Variants in NFIX observed in about 807,000 individuals in gnomAD.
NFIX encodes the protein nuclear factor 1 X-type.
In NFIX, 2 loss-of-function variants were observed where a neutral mutation model predicts 53.3. The ratio of observed to expected loss-of-function variants is 0.04; its 90% CI spans 0.02 to 0.12. NFIX has a LOEUF of 0.12. Among genes scored for constraint, NFIX ranks in the 10% least tolerant of loss-of-function variants. The probability of loss-of-function intolerance (pLI) is 1.00; values close to 1 mark genes in which losing one functional copy is unlikely to be tolerated. For missense variants in NFIX, 310 were observed against 674.5 expected (o/e 0.46, Z 5.99); for synonymous variants, 244 against 289.0 (o/e 0.84, Z 1.58).
At chr19:13,023,545 T>G (rs1009457527) in intron 1 of NFIX, among the ~76,000 whole-genome samples, 1 of 152,058 alleles carries the variant, frequency 6.6e-6, no homozygotes, top group Non-Finnish European at 1.5e-5. Flanking sequence ...TGTTTTTGTT[T>G]TGCACGGGGG....
rs1410940036 is a variant in NFIX, at chr19:13,052,731, G to A, written c.560-20316G>A. Among the ~76,000 whole-genome samples the A allele has an allele frequency of 6.7e-6, 1 of 149,796 alleles. No individual in the cohort carries two copies. The highest frequency in any genetic ancestry group is 1.5e-5 in the Non-Finnish European group (1 of 67,884). On this transcript the variant is annotated intron_variant, in intron 2 of 10. Transcript: ENST00000592199. The surrounding 1 kb of genome is among the most constrained non-coding windows in gnomAD (Gnocchi z 5.2). The stretch of plus-strand genomic sequence containing the variant: ...TCGACCCAGTTGAGGCTGTGCTTCT[G>A]TGCTTCTTGGAACGGCTCGGCTCCA...
At position 13,001,288 on chromosome 19, in the gene NFIX, C is replaced by T. The variant is rs570143910; in HGVS notation, c.27+5424C>T. ...GTCTGTGTGGCAGCGTGTGTCTGCC[C>T]GGGTCCCTCTCCATGCCTCTCCATG... On this transcript the variant is annotated intron_variant, in intron 1 of 10. Transcript: ENST00000592199. This position sits in a 1 kb window ranked among gnomAD's most constrained non-coding sequence, Gnocchi z 6.5. 2.1e-4 allele frequency among the ~76,000 whole-genome samples: 32 copies of T among 152,240 alleles called. No individual in the cohort carries two copies. The highest frequency in any genetic ancestry group is 5.3e-4 in the African/African-American group (22 of 41,524).
At chr19:13,055,805 G>A (rs1457988351) in intron 2 of NFIX, among the ~76,000 whole-genome samples, 1 of 152,182 alleles carries the variant, frequency 6.6e-6, no homozygotes, top group Non-Finnish European at 1.5e-5. Context: ...TCTCTCTGTA[G>A]GGCAGGCCAG....
chr19:13,073,901 C>G lies in NFIX; in HGVS notation c.698-5C>G. 6.2e-7 allele frequency: 1 copy of G among 1,613,966 alleles called. No individual in the cohort carries two copies. Among genetic ancestry groups the G allele is most frequent in the Non-Finnish European group, 8.5e-7 (1 of 1,179,870 alleles). On this transcript the variant is annotated splice_polypyrimidine_tract_variant and splice_region_variant and intron_variant, in intron 4 of 10. Transcript: ENST00000592199. This position sits in a 1 kb window ranked among gnomAD's most constrained non-coding sequence, Gnocchi z 4.5. ...CAAACCTCATCACCCTCTCGTTCTT[C>G]CCAGCTCCTGTTGCAACAGCATCAG...
At position 13,039,767 on chromosome 19, in the gene NFIX, G is replaced by C. The variant is rs147073228; in HGVS notation, c.559+14215G>C. Among the ~76,000 whole-genome samples, 405 of 152,222 alleles carry C rather than the reference G, an allele frequency of 2.7e-3. 6 individuals carry two copies. Among genetic ancestry groups the C allele is most frequent in the African/African-American group, 9.5e-3 (394 of 41,526 alleles). ...CTCTTAGGCTGGAATCTTGGAGCTG[G>C]GACTGTGTTTTATCCGCCTTTGCAT... On this transcript the variant is annotated intron_variant, in intron 2 of 10. Coordinates refer to ENST00000592199, the MANE Select transcript of NFIX (RefSeq NM_001365902.3).
chr19:13,057,727 G>C (rs78677235), intron 2 of NFIX, among the ~76,000 whole-genome samples: 1 of 152,308 alleles, frequency 6.6e-6, no homozygotes, highest in East Asian at 1.9e-4. Flanking sequence ...TGTACACTGA[G>C]GTCTGGTTGT....
intron 2 of NFIX, among the ~76,000 whole-genome samples, chr19:13,026,323 G>T (rs1170457963): frequency 6.6e-6 from 1 of 151,722 alleles, no homozygotes; most frequent in African/African-American, 2.4e-5. Flanking sequence ...CGGGGCACAG[G>T]CATGGCAGGG....
rs1305293465 is a variant in NFIX, at chr19:13,094,320, A to G, written c.1495-315A>G. On this transcript the variant is annotated intron_variant, in intron 10 of 10. Coordinates refer to ENST00000592199, the MANE Select transcript of NFIX (RefSeq NM_001365902.3). The surrounding 1 kb of genome is among the most constrained non-coding windows in gnomAD (Gnocchi z 4.3). ...CCCACACAAAAACCTAAACAATTGG[A>G]AACATGGCCAGATCTCAGGCCTGTG... Among the ~76,000 whole-genome samples the G allele has an allele frequency of 1.3e-5, 2 of 152,226 alleles. No individual in the cohort carries two copies. Among genetic ancestry groups the G allele is most frequent in the Non-Finnish European group, 2.9e-5 (2 of 68,036 alleles).
chr19:13,075,823 C>G (rs2017066527), intron 6 of NFIX, among the ~76,000 whole-genome samples, 152 bp downstream of exon 6: 1 of 152,106 alleles, frequency 6.6e-6, no homozygotes, highest in Admixed American at 6.5e-5. Context: ...CCAGGGAGGG[C>G]AGAGCAGGCT....
chr19:13,046,302 G>A (rs1312341540), intron 2 of NFIX, among the ~76,000 whole-genome samples: 3 of 152,118 alleles, frequency 2.0e-5, no homozygotes, highest in Admixed American at 6.5e-5. Flanking sequence ...TGTGTTTAAG[G>A]GTATGTGTGC....
chr19:13,066,332 C>G lies in NFIX; in HGVS notation c.560-6715C>G, dbSNP rs990954478. The stretch of plus-strand genomic sequence containing the variant: ...ATCCAGATGCTGGCCCTTCATCTGC[C>G]AGGTTCCTGTGCCTTCCCTACCCCC... On this transcript the variant is annotated intron_variant, in intron 2 of 10. Coordinates refer to ENST00000592199, the MANE Select transcript of NFIX (RefSeq NM_001365902.3). This position sits in a 1 kb window ranked among gnomAD's most constrained non-coding sequence, Gnocchi z 4.2. Among the ~76,000 whole-genome samples the G allele has an allele frequency of 2.6e-5, 4 of 152,120 alleles. No individual in the cohort carries two copies. The highest frequency in any genetic ancestry group is 5.9e-5 in the Non-Finnish European group (4 of 67,996).
chr19:13,076,970 C>A (rs1349914792), intron 6 of NFIX, among the ~76,000 whole-genome samples: 1 of 152,136 alleles, frequency 6.6e-6, no homozygotes, highest in Admixed American at 6.5e-5. Flanking sequence ...CCCAGGCTCT[C>A]CTCGTGGCAG....
chr19:13,032,072 C>CGCGGT (rs1240067122), intron 2 of NFIX, among the ~76,000 whole-genome samples: 1 of 152,196 alleles, frequency 6.6e-6, no homozygotes, highest in East Asian at 1.9e-4. Flanking sequence ...GCCGTGTCAG[C>CGCGGT]GCGGTGCTCG....
chr19:13,031,312 C>T (rs548363554), intron 2 of NFIX, among the ~76,000 whole-genome samples: 1 of 152,164 alleles, frequency 6.6e-6, no homozygotes, highest in South Asian at 2.1e-4. Context: ...AAGCGCCGAC[C>T]GTGAACAAGC....
At chr19:13,084,321 G>A (rs2017646514) in intron 8 of NFIX, among the ~76,000 whole-genome samples, 1 of 152,194 alleles carries the variant, frequency 6.6e-6, no homozygotes, top group Non-Finnish European at 1.5e-5. Context: ...GCGTGTGCCT[G>A]TAGTCCCAGC....
intron 8 of NFIX, 35 bp from the exon 9 acceptor site, chr19:13,087,954 G>A: frequency 6.5e-7 from 1 of 1,535,754 alleles, no homozygotes; most frequent in Non-Finnish European, 8.7e-7. Flanking sequence ...TGTGTGATGT[G>A]CCTTCATGCG....
chr19:13,033,698 G>A (rs2013979498), intron 2 of NFIX, among the ~76,000 whole-genome samples: 1 of 152,208 alleles, frequency 6.6e-6, no homozygotes, highest in Non-Finnish European at 1.5e-5. Flanking sequence ...TCCTCTCTAT[G>A]TATTAATTCC....
rs1008471200 is a variant in NFIX at position 13,087,740 on chromosome 19, C to T, written c.1255-249C>T. Among the ~76,000 whole-genome samples the T allele has an allele frequency of 2.7e-5, 4 of 149,430 alleles. No homozygotes were observed. The South Asian group carries it at 6.4e-4, about 24-fold the overall frequency. On this transcript the variant is annotated intron_variant, in intron 8 of 10. Coordinates refer to ENST00000592199, the MANE Select transcript of NFIX (RefSeq NM_001365902.3). ...AAGTAACAAACCACCCGTCGAACAC[C>T]CCCTCCCTCCCTCCCACAACTTCAA...
chr19:13,058,874 G>A (rs1323795908), intron 2 of NFIX, among the ~76,000 whole-genome samples: 1 of 152,046 alleles, frequency 6.6e-6, no homozygotes, highest in Non-Finnish European at 1.5e-5. Flanking sequence ...CTGAGTGAAT[G>A]AAACAGCCCC....
Sources: gnomAD v4.1 joint callset for allele counts (sites outside exome capture counted in the v4.1 genomes callset) on GRCh38, gnomAD v4.1.1 for gene constraint, Gnocchi (gnomAD v3.1) non-coding constraint, MANE v1.5 for transcripts, NCBI Gene and HGNC (gene_info 2026-07-23, HGNC 2026-07-21) for gene names.